The following WDR43 variants were observed in gnomAD, a reference collection of about 807,000 sequenced individuals.
The protein encoded by WDR43 is WD repeat domain 43, also known as WD repeat-containing protein 43.
WDR43 carries 13 observed loss-of-function variants against 91.4 expected under a neutral mutation model. The ratio of observed to expected loss-of-function variants is 0.14; its 90% CI spans 0.09 to 0.23. The LOEUF is 0.23. Among genes scored for constraint, WDR43 ranks in the 10% least tolerant of loss-of-function variants. The pLI is 1.00. For synonymous variants in WDR43, 331 were observed against 287.9 expected (o/e 1.15, Z -1.51); for missense variants, 780 against 809.4 (o/e 0.96, Z 0.44).
intron 3 of WDR43, among the ~76,000 whole-genome samples, chr2:28,909,474 A>G (rs13426929): frequency 0.67 from 102,549 of 151,954 alleles, 35,204 homozygotes; most frequent in East Asian, 0.85. Context: ...GTCTATTGTG[A>G]GTGTGTTTTG....
intron 10 of WDR43, 130 bp downstream of exon 10, chr2:28,927,830 C>CT: frequency 8.4e-7 from 1 of 1,194,218 alleles, no homozygotes; most frequent in Non-Finnish European, 1.2e-6. Flanking sequence ...GTTATGCTCT[C>CT]TTTTATCTTC....
chr2:28,924,803 A>G (rs1405522038), intron 7 of WDR43, among the ~76,000 whole-genome samples, 179 bp from the exon 8 acceptor site: 1 of 152,030 alleles, frequency 6.6e-6, no homozygotes, highest in Non-Finnish European at 1.5e-5. Flanking sequence ...GGTTTTGAGT[A>G]TAGGTAGAGG....
At chr2:28,940,266 G>C (rs1286711373) in intron 14 of WDR43, among the ~76,000 whole-genome samples, 1 of 151,336 alleles carries the variant, frequency 6.6e-6, no homozygotes, top group African/African-American at 2.4e-5. Context: ...TTTTGCTCTT[G>C]TTGCCTAGGC....
At chr2:28,908,130 C>T (rs1387789194) in intron 3 of WDR43, among the ~76,000 whole-genome samples, 1 of 152,112 alleles carries the variant, frequency 6.6e-6, no homozygotes, top group East Asian at 1.9e-4. Context: ...GTTTAGTTTT[C>T]AGCTTTGCTA....
intron 16 of WDR43, among the ~76,000 whole-genome samples, chr2:28,945,841 T>C (rs758749408): frequency 2.8e-4 from 43 of 152,256 alleles, no homozygotes; most frequent in Non-Finnish European, 4.8e-4. Flanking sequence ...ATTAGTACTT[T>C]ATGGGTTAAA....
chr2:28,918,040 T>A, intron 6 of WDR43, 45 bp downstream of exon 6: 1 of 1,486,738 alleles, frequency 6.7e-7, no homozygotes, highest in Non-Finnish European at 9.1e-7. Context: ...GTTTCACAGA[T>A]GTTATTTTTA....
At chr2:28,924,875 A>G in intron 7 of WDR43, 107 bp from the exon 8 acceptor site, 3 of 1,346,146 alleles carry the variant, frequency 2.2e-6, no homozygotes, top group South Asian at 1.4e-5. Context: ...TGATGGCAGT[A>G]TAGAGGCTAG....
intron 6 of WDR43, 25 bp downstream of exon 6, chr2:28,918,020 T>C (rs1245969661): frequency 6.5e-7 from 1 of 1,538,066 alleles, no homozygotes; most frequent in Non-Finnish European, 8.8e-7. Flanking sequence ...TTTTGAGAAT[T>C]TGTTTTTGGG....
At chr2:28,935,233 T>G (rs1671316766) in intron 11 of WDR43, among the ~76,000 whole-genome samples, 1 of 152,220 alleles carries the variant, frequency 6.6e-6, no homozygotes, top group Non-Finnish European at 1.5e-5. Flanking sequence ...CATATGTCTG[T>G]ATTCAAACGT....
chr2:28,925,669 T>C (rs551181140), intron 8 of WDR43, among the ~76,000 whole-genome samples: 7 of 152,368 alleles, frequency 4.6e-5, no homozygotes, highest in Admixed American at 6.5e-5. Context: ...TTCTGAGTTA[T>C]CGTAAGCATG....
chr2:28,936,007 C>T (rs556515863), intron 12 of WDR43, among the ~76,000 whole-genome samples: 1 of 152,022 alleles, frequency 6.6e-6, no homozygotes, highest in African/African-American at 2.4e-5. Context: ...AACCTAACAC[C>T]GAAACCATTT....
At chr2:28,916,502 T>C (rs538095616) in intron 5 of WDR43, among the ~76,000 whole-genome samples, 87 of 152,330 alleles carry the variant, frequency 5.7e-4, no homozygotes, top group Non-Finnish European at 8.7e-4. Flanking sequence ...ATGGCTGGGA[T>C]GTTAAGATTC....
At chr2:28,918,618 C>T (rs2148187626) in intron 6 of WDR43, among the ~76,000 whole-genome samples, 1 of 152,262 alleles carries the variant, frequency 6.6e-6, no homozygotes, top group South Asian at 2.1e-4. Context: ...ATCCGCCCAC[C>T]TCAGCCTCCC....
intron 11 of WDR43, among the ~76,000 whole-genome samples, chr2:28,930,630 G>C (rs1302017882): frequency 6.6e-6 from 1 of 152,168 alleles, no homozygotes; most frequent in African/African-American, 2.4e-5. Flanking sequence ...TGAAAAATCT[G>C]TAGAAAACAA....
At chr2:28,918,451 C>T (rs1201759633) in intron 6 of WDR43, among the ~76,000 whole-genome samples, 1 of 152,074 alleles carries the variant, frequency 6.6e-6, no homozygotes, top group East Asian at 1.9e-4. Context: ...TAACCACGAC[C>T]TCTGCCTCCC....
intron 6 of WDR43, 103 bp from the exon 7 acceptor site, chr2:28,922,816 T>TTTTGG: frequency 4.5e-6 from 2 of 447,220 alleles, no homozygotes; most frequent in Non-Finnish European, 7.5e-6. Context: ...TTTTTTTTTC[T>TTTTGG]GGTTGTGTAA....
chr2:28,923,774 A>T (rs1450791516), intron 7 of WDR43, among the ~76,000 whole-genome samples: 6 of 152,098 alleles, frequency 3.9e-5, no homozygotes, highest in African/African-American at 1.4e-4. Flanking sequence ...GCTTTTATTT[A>T]TAGAAGGATG....
chr2:28,928,539 A>G (rs1671184980), intron 10 of WDR43, among the ~76,000 whole-genome samples: 1 of 152,196 alleles, frequency 6.6e-6, no homozygotes, highest in African/African-American at 2.4e-5. Context: ...TTTTTGTGTT[A>G]GGATAAACCA....
chr2:28,926,246 C>A (rs1671137901), intron 8 of WDR43, among the ~76,000 whole-genome samples: 1 of 152,142 alleles, frequency 6.6e-6, no homozygotes, highest in East Asian at 1.9e-4. Flanking sequence ...AACCTTGGTA[C>A]CCAATGTCTT....
Sources: allele counts gnomAD v4.1 joint callset (sites outside exome capture counted in the v4.1 genomes callset), GRCh38; gene constraint gnomAD v4.1.1; transcripts MANE v1.5; gene names NCBI Gene and HGNC (gene_info 2026-07-23, HGNC 2026-07-21).